The following ZNF549 variants were observed in gnomAD, a reference collection of about 807,000 sequenced individuals.
ZNF549 encodes zinc finger protein 549.
A neutral mutation model predicts 11.1 loss-of-function variants in ZNF549; 11 were observed. That is an observed-to-expected ratio of 0.99 (90% CI 0.62 to 1.64). The LOEUF is 1.64. Ranked by LOEUF, ZNF549 falls within the 40% of genes most tolerant of loss-of-function variation. The pLI, the probability that ZNF549 is intolerant of heterozygous loss-of-function variation, is 0.00. For synonymous variants in ZNF549, 266 were observed against 269.1 expected (o/e 0.99, Z 0.11); for missense variants, 748 against 765.1 (o/e 0.98, Z 0.26).
chr19:57,529,502 G>T (rs1199293984), intron 1 of ZNF549, among the ~76,000 whole-genome samples: 1 of 152,198 alleles, frequency 6.6e-6, no homozygotes, highest in African/African-American at 2.4e-5. Flanking sequence ...TGTGAATGTG[G>T]TATCTCTCTA....
At chr19:57,529,702 T>C (rs988668227) in intron 1 of ZNF549, among the ~76,000 whole-genome samples, 1 of 151,978 alleles carries the variant, frequency 6.6e-6, no homozygotes, top group Non-Finnish European at 1.5e-5. Flanking sequence ...CTGGCTAACA[T>C]GGTGAAACCC....
At chr19:57,532,425 A>G (rs1364365240) in intron 2 of ZNF549, among the ~76,000 whole-genome samples, 3 of 152,198 alleles carry the variant, frequency 2.0e-5, no homozygotes, top group African/African-American at 7.2e-5. Context: ...CCAAGCAGGC[A>G]GGGAGCCAAG....
chr19:57,535,032 C>T (rs926743829), intron 2 of ZNF549, 112 bp from the exon 3 acceptor site: 2 of 1,384,786 alleles, frequency 1.4e-6, no homozygotes, highest in Non-Finnish European at 9.8e-7. Context: ...CAGTGGGAGA[C>T]ACCATAAGGA....
chr19:57,528,360 T>C (rs2089888690), intron 1 of ZNF549, among the ~76,000 whole-genome samples: 2 of 152,224 alleles, frequency 1.3e-5, no homozygotes, highest in African/African-American at 4.8e-5. Context: ...CAGAGTGAAG[T>C]TGTTACATGG....
intron 1 of ZNF549, among the ~76,000 whole-genome samples, chr19:57,528,036 T>C (rs1018124830): frequency 9.3e-5 from 14 of 151,078 alleles, no homozygotes; most frequent in Non-Finnish European, 1.6e-4. Context: ...TGTTACGGAG[T>C]GATGGGGGTG....
Position 57,539,588 on chromosome 19 carries a change from G to A in ZNF549, c.*661G>A, listed in dbSNP as rs2123320873. ...CTAGGAAGGAGAGCAGAGCTGTGTG[G>A]TCCTAATCATGGTGTCGATGCCAGA... On this transcript the variant is annotated 3_prime_UTR_variant, in exon 4 of 4. Transcript: ENST00000376233. 1 of 152,284 alleles carries A rather than the reference G, an allele frequency of 6.6e-6. No individual in the cohort carries two copies. Among genetic ancestry groups the A allele is most frequent in the Middle Eastern group, 3.4e-3 (1 of 294 alleles). The allele number at this position is 152,284 out of a possible 1,614,324, so 9.4% of individuals were successfully genotyped here.
chr19:57,540,393 G>A lies in ZNF549; in HGVS notation c.*1466G>A, dbSNP rs2089950332. 6.6e-6 allele frequency: 1 copy of A among 152,224 alleles called. No homozygotes were observed. The highest frequency in any genetic ancestry group is 2.1e-4 in the South Asian group (1 of 4,836). 9.4% of individuals were successfully genotyped at this position (152,224 alleles called of 1,614,324 possible). On this transcript the variant is annotated 3_prime_UTR_variant, in exon 4 of 4. Coordinates refer to ENST00000376233, the MANE Select transcript of ZNF549 (RefSeq NM_001199295.2). ...AAAACCTTCTATCTTTTTAAGAACT[G>A]TCTGTATGGTTTATTGCCCAGTTAA...
rs943747439 is a variant in ZNF549 at position 57,536,751 on chromosome 19, C to T, written c.200-453C>T. ...GGTAACCTTAAGAGGCCTAATACTG[C>T]AAGTATTATCTTCCTTGACCTGACT... On this transcript the variant is annotated intron_variant, in intron 3 of 3. Coordinates refer to ENST00000376233, the MANE Select transcript of ZNF549 (RefSeq NM_001199295.2). 3.9e-5 allele frequency among the ~76,000 whole-genome samples: 6 copies of T among 152,242 alleles called. No individual in the cohort carries two copies. The East Asian group carries it at 1.2e-3, about 29-fold the overall frequency.
At position 57,535,918 on chromosome 19, in the gene ZNF549, C is replaced by A. The variant is rs368438488; in HGVS notation, c.199+648C>A. ...AAGGGGGGTTAACAGGGTTTGGGAC[C>A]TGTGAGTAGGAGCAGTGGGAGGGCA... On this transcript the variant is annotated intron_variant, in intron 3 of 3. Coordinates refer to ENST00000376233, the MANE Select transcript of ZNF549 (RefSeq NM_001199295.2). Among the ~76,000 whole-genome samples the A allele has an allele frequency of 5.3e-5, 8 of 152,216 alleles. No individual in the cohort carries two copies. In the East Asian group the frequency reaches 1.5e-3, roughly 29 times the overall value.
chr19:57,538,899 A>G lies in ZNF549; in HGVS notation c.1895A>G (p.Gln632Arg), dbSNP rs760599323. 1.2e-6 allele frequency: 2 copies of G among 1,605,930 alleles called. No individual in the cohort carries two copies. Among genetic ancestry groups the G allele is most frequent in the Non-Finnish European group, 8.5e-7 (1 of 1,179,814 alleles). Residue 632 changes from glutamine to arginine, a missense_variant, in exon 4 of 4, where the codon CAG (glutamine) becomes CGG (arginine). Gln to Arg is a conservative substitution (Grantham distance 43). Transcript: ENST00000376233. ...FNKRYSLVRH[Q>R]KVHITEEP Reference sequence around the variant, plus strand: ...AAAAGATATTCCCTTGTCAGGCACCAGAAGGTACATATAACAGAAGAGCCC... The same window carrying G: ...AAAAGATATTCCCTTGTCAGGCACCGGAAGGTACATATAACAGAAGAGCCC...
chr19:57,538,935 T>TG lies in ZNF549; in HGVS notation c.*11dup. ...ATAACAGAAGAGCCCTAGCAATTGT[T>TG]GGGATGTGTAATTGTCTTATTCACT... is the stretch of plus-strand genomic sequence containing the variant. On this transcript the variant is annotated 3_prime_UTR_variant, in exon 4 of 4. Transcript: ENST00000376233. 1 of 1,591,496 alleles carries TG rather than the reference T, an allele frequency of 6.3e-7. No individual in the cohort carries two copies. Among genetic ancestry groups the TG allele is most frequent in the Non-Finnish European group, 8.5e-7 (1 of 1,174,470 alleles).
intron 1 of ZNF549, among the ~76,000 whole-genome samples, chr19:57,528,391 A>G (rs191952456): frequency 6.6e-6 from 1 of 152,316 alleles, no homozygotes; most frequent in East Asian, 1.9e-4. Flanking sequence ...TCATAAGTAG[A>G]AAATTCATGG....
At chr19:57,532,144 C>T (rs1281185686) in intron 2 of ZNF549, among the ~76,000 whole-genome samples, 1 of 152,088 alleles carries the variant, frequency 6.6e-6, no homozygotes, top group Non-Finnish European at 1.5e-5. Context: ...GCTCTCTTTC[C>T]ATTACTGCTT....
At chr19:57,527,673 T>G in intron 1 of ZNF549, 67 bp downstream of exon 1, 1 of 1,572,840 alleles carries the variant, frequency 6.4e-7, no homozygotes, top group Non-Finnish European at 8.7e-7. Context: ...CCTGCGTGGG[T>G]CTCTGCAGTT....
chr19:57,536,064 C>G (rs760047555), intron 3 of ZNF549, among the ~76,000 whole-genome samples: 1 of 152,130 alleles, frequency 6.6e-6, no homozygotes, highest in Non-Finnish European at 1.5e-5. Context: ...GACAATTTGC[C>G]TACTTGTCGT....
rs191310972 is a variant in ZNF549 at position 57,529,742 on chromosome 19, C to A, written c.34-1328C>A. Among the ~76,000 whole-genome samples, 593 of 152,072 alleles carry A rather than the reference C, an allele frequency of 3.9e-3. 10 individuals carry two copies. The highest frequency in any genetic ancestry group is 0.014 in the African/African-American group (575 of 41,488). ...TCTACTAAAAATACAAAAAATTAGC[C>A]AGGTGTGGTAGTGGGCGCCCGTAGT... is the stretch of plus-strand genomic sequence containing the variant. On this transcript the variant is annotated intron_variant, in intron 1 of 3. Transcript: ENST00000376233.
At chr19:57,536,149 G>A (rs1226178825) in intron 3 of ZNF549, among the ~76,000 whole-genome samples, 1 of 152,096 alleles carries the variant, frequency 6.6e-6, no homozygotes, top group Non-Finnish European at 1.5e-5. Context: ...TCCAACATTA[G>A]CCTATACCTA....
At position 57,537,498 on chromosome 19, in the gene ZNF549, G is replaced by C; in HGVS notation, c.494G>C (p.Ser165Thr). The change falls in exon 4 of 4, where the codon AGC becomes ACC. Residue 165 changes from serine (S) to threonine (T), a missense_variant. Transcript: ENST00000376233. ...SGEKHIRKEE[S>T]SALLLNSCKI... ...GAGAAACACATCAGAAAGGAGGAGAGCAGTGCCTTGCTTCTGAATAGCTGC... is the reference window on the plus strand; with the variant it reads ...GAGAAACACATCAGAAAGGAGGAGACCAGTGCCTTGCTTCTGAATAGCTGC... 2 of 1,614,222 alleles carry C rather than the reference G, an allele frequency of 1.2e-6. No individual in the cohort carries two copies. Among genetic ancestry groups the C allele is most frequent in the Non-Finnish European group, 1.7e-6 (2 of 1,180,034 alleles).
chr19:57,538,882 T>C lies in ZNF549; in HGVS notation c.1878T>C (p.Tyr626=), dbSNP rs1468820267. The C allele has an allele frequency of 1.2e-6, 2 of 1,609,564 alleles. No individual in the cohort carries two copies. Among genetic ancestry groups the C allele is most frequent in the East Asian group, 4.5e-5 (2 of 44,880 alleles). The change falls in exon 4 of 4, where the codon TAT becomes TAC. Residue 626 remains tyrosine (Y), a synonymous_variant. Coordinates refer to ENST00000376233, the MANE Select transcript of ZNF549 (RefSeq NM_001199295.2). ...GKCGKAFNKR[Y]SLVRHQKVHI... is the part of the protein sequence containing the mutation. ...GTGGGAAAGCCTTCAACAAAAGATA[T>C]TCCCTTGTCAGGCACCAGAAGGTAC...
Sources: gnomAD v4.1 joint callset for allele counts (sites outside exome capture counted in the v4.1 genomes callset) on GRCh38, gnomAD v4.1.1 for gene constraint, MANE v1.5 for transcripts, NCBI Gene and HGNC (gene_info 2026-07-23, HGNC 2026-07-21) for gene names.